The following MAF variants were observed in gnomAD, a reference collection of about 807,000 sequenced individuals.
MAF encodes the protein transcription factor Maf.
In MAF, 10 loss-of-function variants were observed where a neutral mutation model predicts 22.0. The observed-to-expected ratio is 0.45, with a 90% CI of 0.28 to 0.77. The LOEUF is 0.77. Ranked by LOEUF, MAF falls within the 30% of genes least tolerant of loss-of-function variation. MAF has a pLI of 0.12. For synonymous variants in MAF, 337 were observed against 255.8 expected, an observed-to-expected ratio of 1.32 and a Z score of -3.03; for missense variants, 544 against 548.4, an observed-to-expected ratio of 0.99 and a Z score of 0.08.
chr16:79,412,246 G>T, the MAF span, among the ~76,000 whole-genome samples: 1 of 152,180 alleles, frequency 6.6e-6, no homozygotes, highest in Admixed American at 6.5e-5. Flanking sequence ...CAACGGTGAG[G>T]TACAGTTGTG....
chr16:79,285,040 T>C, the MAF span, among the ~76,000 whole-genome samples: 1 of 152,262 alleles, frequency 6.6e-6, no homozygotes, highest in East Asian at 1.9e-4. Context: ...GTGCTGAAAA[T>C]AGTTATTTAC....
the MAF span, among the ~76,000 whole-genome samples, chr16:79,347,018 T>G: frequency 6.6e-6 from 1 of 152,182 alleles, no homozygotes; most frequent in Admixed American, 6.5e-5. Flanking sequence ...GAACTCACAC[T>G]CAGCCAAATG....
chr16:79,372,752 C>A, the MAF span, among the ~76,000 whole-genome samples: 1 of 152,182 alleles, frequency 6.6e-6, no homozygotes, highest in African/African-American at 2.4e-5. Context: ...TTTACATGGC[C>A]TACAAAAGCC....
At chr16:79,250,501 C>T in the MAF span, among the ~76,000 whole-genome samples, 1 of 152,212 alleles carries the variant, frequency 6.6e-6, no homozygotes, top group Non-Finnish European at 1.5e-5. Context: ...TGCTCTTGCT[C>T]TAGCATTTTG....
intron 1 of MAF, among the ~76,000 whole-genome samples, chr16:79,588,664 G>T (rs1913007064): frequency 6.6e-6 from 1 of 151,972 alleles, no homozygotes; most frequent in Non-Finnish European, 1.5e-5. Context: ...GTTTCACCAG[G>T]TTGGCCAGGC....
the MAF span, among the ~76,000 whole-genome samples, chr16:79,245,884 AG>A: frequency 6.6e-6 from 1 of 152,098 alleles, no homozygotes; most frequent in Non-Finnish European, 1.5e-5. Context: ...GCCATAAAAA[AG>A]GATGAGTTCA....
the MAF span, among the ~76,000 whole-genome samples, chr16:79,241,484 G>C: frequency 6.6e-6 from 1 of 151,976 alleles, no homozygotes; most frequent in African/African-American, 2.4e-5. Flanking sequence ...GAGAAGACAA[G>C]ATTAGAGAAA....
the MAF span, among the ~76,000 whole-genome samples, chr16:79,207,279 AAC>A: frequency 6.6e-6 from 1 of 152,248 alleles, no homozygotes; most frequent in Non-Finnish European, 1.5e-5. Context: ...TGCTTTGTCC[AAC>A]AGACACCAGA....
chr16:79,287,890 C>A, the MAF span, among the ~76,000 whole-genome samples: 1 of 152,184 alleles, frequency 6.6e-6, no homozygotes, highest in Non-Finnish European at 1.5e-5. Flanking sequence ...AGACAAGGCA[C>A]ATTTTAATTT....
At position 79,594,346 on chromosome 16, in the gene MAF, G is replaced by A; in HGVS notation, c.*114C>T. On this transcript the variant is annotated 3_prime_UTR_variant, in exon 2 of 2. Transcript: ENST00000326043. ...TTTAATAGCCTTCTTCTCTAACACA[G>A]TAATTTTTATTTAAAAAGGAGACTA... The A allele has an allele frequency of 1.0e-6, 1 of 960,940 alleles. No individual in the cohort carries two copies. Among genetic ancestry groups the A allele is most frequent in the South Asian group, 1.4e-5 (1 of 71,026 alleles). 59.5% of individuals were successfully genotyped at this position (960,940 alleles called of 1,614,324 possible). A position where few individuals can be genotyped will look rare whatever the true frequency, so the allele number is the denominator to read the frequency against.
chr16:79,401,091 T>C, the MAF span, among the ~76,000 whole-genome samples: 1 of 152,324 alleles, frequency 6.6e-6, no homozygotes, highest in Admixed American at 6.5e-5. Context: ...CTTTGAACCT[T>C]GCCCCTCACC....
chr16:79,556,039 G>C, the MAF span, among the ~76,000 whole-genome samples: 7 of 149,544 alleles, frequency 4.7e-5, no homozygotes, highest in African/African-American at 1.8e-4. Context: ...AGTTTGTTTA[G>C]TTTAGTTTAG....
chr16:79,263,495 G>A, the MAF span, among the ~76,000 whole-genome samples: 2 of 152,206 alleles, frequency 1.3e-5, no homozygotes, highest in Admixed American at 1.3e-4. Flanking sequence ...AAGGGGTGGC[G>A]CTCAGGCAGT....
At chr16:79,477,734 T>A in the MAF span, among the ~76,000 whole-genome samples, 3 of 151,674 alleles carry the variant, frequency 2.0e-5, no homozygotes, top group East Asian at 3.9e-4. Flanking sequence ...TTTTTTTAAA[T>A]TTTTTTTTGA....
intron 1 of MAF, chr16:79,597,552 G>C: frequency 2.0e-6 from 2 of 1,022,860 alleles, no homozygotes; most frequent in Non-Finnish European, 2.3e-6. Flanking sequence ...TGGTATCTTT[G>C]ACAAGGAATG....
chr16:79,391,659 G>A, the MAF span, among the ~76,000 whole-genome samples: 1 of 152,098 alleles, frequency 6.6e-6, no homozygotes, highest in Admixed American at 6.5e-5. Flanking sequence ...TTCCCACGCT[G>A]AAACGTAGGT....
chr16:79,245,400 A>G, the MAF span, among the ~76,000 whole-genome samples: 1 of 152,120 alleles, frequency 6.6e-6, no homozygotes, highest in Non-Finnish European at 1.5e-5. Context: ...TGGGCAAAGG[A>G]TATAAACAGA....
At chr16:79,404,421 C>T in the MAF span, among the ~76,000 whole-genome samples, 1 of 152,218 alleles carries the variant, frequency 6.6e-6, no homozygotes, top group African/African-American at 2.4e-5. Flanking sequence ...CTTGGCCTCC[C>T]AAAGTGCTGG....
chr16:79,395,560 T>C, the MAF span, among the ~76,000 whole-genome samples: 1 of 152,014 alleles, frequency 6.6e-6, no homozygotes, highest in African/African-American at 2.4e-5. Flanking sequence ...AGGAATGCCA[T>C]ATGACGGGGG....
Sources: allele counts gnomAD v4.1 joint callset (sites outside exome capture counted in the v4.1 genomes callset), GRCh38; gene constraint gnomAD v4.1.1; transcripts MANE v1.5; gene names NCBI Gene and HGNC (gene_info 2026-07-23, HGNC 2026-07-21).